MTNAP1: variants seen among roughly 807,000 people sequenced by gnomAD.
The protein encoded by MTNAP1 is mitochondrial nucleoid-associated protein 1.
chr17:73,238,233 T>C, the MTNAP1 span, among the ~76,000 whole-genome samples: 1 of 151,730 alleles, frequency 6.6e-6, no homozygotes, highest in African/African-American at 2.4e-5. Context: ...ATACATAAAG[T>C]TTCTTAAGCT....
At chr17:73,245,299 G>A in the MTNAP1 span, 12 of 1,452,914 alleles carry the variant, frequency 8.3e-6, no homozygotes, top group East Asian at 2.8e-4. Flanking sequence ...GGGACAGGGA[G>A]AGGGGAGTGA....
the MTNAP1 span, chr17:73,248,497 G>C: frequency 9.8e-5 from 152 of 1,551,572 alleles, no homozygotes; most frequent in Non-Finnish European, 1.3e-4. Context: ...GCAACGCTTA[G>C]ATCTTGCTTC....
At chr17:73,241,008 C>A in the MTNAP1 span, among the ~76,000 whole-genome samples, 1 of 152,172 alleles carries the variant, frequency 6.6e-6, no homozygotes, top group African/African-American at 2.4e-5. Flanking sequence ...GCAACTTTTA[C>A]CACACTTGCT....
At chr17:73,248,491 C>T in the MTNAP1 span, 1,228,763 of 1,550,928 alleles carry the variant, frequency 0.79, 490,425 homozygotes, top group Admixed American at 0.84. Flanking sequence ...TAAGAAGCAA[C>T]GCTTAGATCT....
the MTNAP1 span, chr17:73,235,596 T>A: frequency 6.2e-7 from 1 of 1,614,040 alleles, no homozygotes; most frequent in South Asian, 1.1e-5. Flanking sequence ...TACCTACTGA[T>A]CAAAAAGTTT....
chr17:73,247,273 A>G, the MTNAP1 span: 3 of 1,614,084 alleles, frequency 1.9e-6, no homozygotes, highest in South Asian at 1.1e-5. Context: ...CTGGAAGAGC[A>G]CAGTACCTCC....
the MTNAP1 span, chr17:73,235,713 A>C: frequency 6.2e-7 from 1 of 1,614,138 alleles, no homozygotes; most frequent in Non-Finnish European, 8.5e-7. Flanking sequence ...ATGAAGAAAG[A>C]AATTCTAAGT....
At chr17:73,236,423 A>G in the MTNAP1 span, 1 of 1,614,190 alleles carries the variant, frequency 6.2e-7, no homozygotes, top group Non-Finnish European at 8.5e-7. Context: ...GGAAATGCAG[A>G]GAAAAGTATG....
At chr17:73,246,164 T>C in the MTNAP1 span, among the ~76,000 whole-genome samples, 1 of 152,202 alleles carries the variant, frequency 6.6e-6, no homozygotes, top group African/African-American at 2.4e-5. Flanking sequence ...CACACACCCG[T>C]CTGTCTCAGC....
At chr17:73,237,343 G>A in the MTNAP1 span, among the ~76,000 whole-genome samples, 1 of 152,156 alleles carries the variant, frequency 6.6e-6, no homozygotes, top group Admixed American at 6.5e-5. Flanking sequence ...GGCTAAAGTG[G>A]GAGATCACCT....
At chr17:73,246,221 T>C in the MTNAP1 span, among the ~76,000 whole-genome samples, 1 of 152,182 alleles carries the variant, frequency 6.6e-6, no homozygotes, top group Non-Finnish European at 1.5e-5. Flanking sequence ...TCAGTTCCTC[T>C]TATGTCCCAG....
chr17:73,247,309 G>A, the MTNAP1 span: 3 of 1,614,036 alleles, frequency 1.9e-6, no homozygotes, highest in Non-Finnish European at 2.5e-6. Context: ...GAAGACGACT[G>A]GGGATTGCCG....
the MTNAP1 span, chr17:73,242,859 G>A: frequency 1.9e-6 from 3 of 1,558,408 alleles, no homozygotes. Flanking sequence ...CCTAGTTTCA[G>A]TTGCTGTAAC....
At chr17:73,238,784 A>G in the MTNAP1 span, among the ~76,000 whole-genome samples, 1 of 152,214 alleles carries the variant, frequency 6.6e-6, no homozygotes, top group Middle Eastern at 3.2e-3. Context: ...TGATTTGTCC[A>G]AGTTTGTGTT....
At chr17:73,242,972 C>A in the MTNAP1 span, 1 of 1,613,784 alleles carries the variant, frequency 6.2e-7, no homozygotes, top group East Asian at 2.2e-5. Context: ...GATACTTCGT[C>A]CTGTGTTGTA....
chr17:73,242,471 T>C, the MTNAP1 span: 5,104 of 637,700 alleles, frequency 8.0e-3, 209 homozygotes, highest in African/African-American at 0.085. Flanking sequence ...ATGTGTGTTG[T>C]CTTCCTAGTT....
chr17:73,236,316 C>T, the MTNAP1 span: 1 of 1,614,112 alleles, frequency 6.2e-7, no homozygotes, highest in Non-Finnish European at 8.5e-7. Flanking sequence ...CAGAATCCCT[C>T]ATTTTAAGCC....
chr17:73,235,665 T>C, the MTNAP1 span: 1 of 1,613,990 alleles, frequency 6.2e-7, no homozygotes, highest in Non-Finnish European at 8.5e-7. Context: ...CAATCAAAGA[T>C]TTAATTAAAG....
chr17:73,242,020 A>C, the MTNAP1 span, among the ~76,000 whole-genome samples: 1 of 152,174 alleles, frequency 6.6e-6, no homozygotes, highest in Admixed American at 6.5e-5. Context: ...AAACAAGTAG[A>C]CGCCCTGATT....
Sources: gnomAD v4.1 joint callset for allele counts (sites outside exome capture counted in the v4.1 genomes callset) on GRCh38, gnomAD v4.1.1 for gene constraint, MANE v1.5 for transcripts, NCBI Gene and HGNC (gene_info 2026-07-23, HGNC 2026-07-21) for gene names.